Variants in TM4SF4 observed in about 807,000 individuals in gnomAD.
TM4SF4 encodes transmembrane 4 L6 family member 4.
A neutral mutation model predicts 24.1 loss-of-function variants in TM4SF4; 24 were observed. The observed-to-expected ratio is 1.00, with a 90% CI of 0.72 to 1.40. The LOEUF (loss-of-function observed/expected upper bound fraction) is 1.40, where lower values mean the gene tolerates loss of function less well. TM4SF4 is among the 40% of genes most tolerant of loss of function. The pLI is 0.00. For synonymous variants in TM4SF4, 113 were observed against 97.0 expected, an observed-to-expected ratio of 1.17 and a Z score of -0.97; for missense variants, 254 against 254.2, an observed-to-expected ratio of 1.00 and a Z score of 0.01.
intron 2 of TM4SF4, among the ~76,000 whole-genome samples, chr3:149,486,981 C>T (rs1003370853): frequency 3.3e-5 from 5 of 152,160 alleles, no homozygotes; most frequent in African/African-American, 9.7e-5. Context: ...AGGCCAGGTG[C>T]GGTGACTCAC....
intron 4 of TM4SF4, among the ~76,000 whole-genome samples, chr3:149,501,742 T>C (rs1734430748): frequency 1.3e-5 from 2 of 152,202 alleles, no homozygotes; most frequent in South Asian, 2.1e-4. Flanking sequence ...CTTCTCATAG[T>C]CTCAGTTATT....
chr3:149,487,584 T>C, intron 2 of TM4SF4, 35 bp from the exon 3 acceptor site: 1 of 1,613,232 alleles, frequency 6.2e-7, no homozygotes, highest in South Asian at 1.1e-5. Flanking sequence ...CTGGACCACC[T>C]GGAGAATGTG....
intron 2 of TM4SF4, among the ~76,000 whole-genome samples, chr3:149,480,527 G>A (rs1203636095): frequency 6.6e-6 from 1 of 152,076 alleles, no homozygotes; most frequent in African/African-American, 2.4e-5. Flanking sequence ...GAAAGGTCTT[G>A]GTCAGGTCCT....
intron 3 of TM4SF4, 26 bp downstream of exon 3, chr3:149,487,781 C>A: frequency 6.2e-7 from 1 of 1,611,868 alleles, no homozygotes; most frequent in Non-Finnish European, 8.5e-7. Context: ...GCAATGCCCA[C>A]CTGTCACCAC....
chr3:149,491,000 CAGTG>C (rs767287666), intron 3 of TM4SF4, among the ~76,000 whole-genome samples: 2 of 151,688 alleles, frequency 1.3e-5, no homozygotes, highest in South Asian at 4.2e-4. Context: ...TTTTTCTTCC[CAGTG>C]AGTAAGTGCT....
At chr3:149,488,236 T>C (rs1025968643) in intron 3 of TM4SF4, among the ~76,000 whole-genome samples, 2 of 152,232 alleles carry the variant, frequency 1.3e-5, no homozygotes, top group Non-Finnish European at 2.9e-5. Flanking sequence ...GAAATCATTG[T>C]AGGTTTCTCA....
intron 3 of TM4SF4, among the ~76,000 whole-genome samples, chr3:149,491,363 GC>G (rs1734207096): frequency 6.6e-6 from 1 of 151,628 alleles, no homozygotes; most frequent in Non-Finnish European, 1.5e-5. Flanking sequence ...TACTCCAGGT[GC>G]CTGATGTGGG....
intron 2 of TM4SF4, among the ~76,000 whole-genome samples, chr3:149,479,068 A>T (rs980946879): frequency 1.3e-5 from 2 of 152,026 alleles, no homozygotes; most frequent in Admixed American, 1.3e-4. Flanking sequence ...CGCCTGGCCG[A>T]TTGTTCTGTT....
intron 4 of TM4SF4, 129 bp from the exon 5 acceptor site, chr3:149,502,547 T>C: frequency 1.4e-6 from 1 of 736,784 alleles, no homozygotes; most frequent in Non-Finnish European, 2.5e-6. Flanking sequence ...CAGAAAAGTA[T>C]AGGAAACATT....
rs748938376 is a variant in TM4SF4 at position 149,475,837 on chromosome 3, G to A, written c.189G>A (p.Ala63=). ...TCTCCTGGTAGATGATCTTCCCTGC[G>A]CTGGTGTTCTTGGGCCTGAAGAACA... ...LGSGVLMIFP[A]LVFLGLKNND... is the part of the protein sequence containing the mutation. Residue 63 remains alanine (A), a synonymous_variant, in exon 2 of 5, where the codon GCG becomes GCA. Coordinates refer to ENST00000305354, the MANE Select transcript of TM4SF4 (RefSeq NM_004617.4). 3.5e-5 allele frequency: 57 copies of A among 1,611,870 alleles called. No homozygotes were observed. The South Asian group carries it at 4.6e-4, about 13-fold the overall frequency.
intron 2 of TM4SF4, among the ~76,000 whole-genome samples, chr3:149,486,404 G>A (rs554938561): frequency 2.0e-5 from 3 of 152,304 alleles, no homozygotes; most frequent in Middle Eastern, 3.4e-3. Context: ...TTTAAACCCT[G>A]TGCTTCGTCA....
At chr3:149,488,709 T>G (rs1333508653) in intron 3 of TM4SF4, among the ~76,000 whole-genome samples, 1 of 152,242 alleles carries the variant, frequency 6.6e-6, no homozygotes, top group Non-Finnish European at 1.5e-5. Flanking sequence ...TAAATGGATC[T>G]GTTAGGCAAA....
At chr3:149,477,603 T>C (rs1348709739) in intron 2 of TM4SF4, among the ~76,000 whole-genome samples, 2 of 152,264 alleles carry the variant, frequency 1.3e-5, no homozygotes, top group African/African-American at 2.4e-5. Context: ...ACAGTTTCCA[T>C]GTGAGTTCAA....
chr3:149,495,198 C>G lies in TM4SF4; in HGVS notation c.402-3524C>G, dbSNP rs149917304. Reference sequence around the variant, plus strand: ...TTAAGAAAATTGGCTACAACCCCAGCACAGCAGCAGCTGTACCAATTTCCA... The same window carrying G: ...TTAAGAAAATTGGCTACAACCCCAGGACAGCAGCAGCTGTACCAATTTCCA... On this transcript the variant is annotated intron_variant, in intron 3 of 4. Transcript: ENST00000305354. 1.1e-3 allele frequency: 209 copies of G among 198,578 alleles called. 1 individual carries two copies. Among genetic ancestry groups the G allele is most frequent in the Non-Finnish European group, 1.8e-3 (168 of 93,222 alleles). 12.3% of individuals were successfully genotyped at this position (198,578 alleles called of 1,614,324 possible).
intron 2 of TM4SF4, among the ~76,000 whole-genome samples, chr3:149,484,550 ATTTT>A (rs890892392): frequency 3.3e-5 from 4 of 122,236 alleles, no homozygotes; most frequent in Admixed American, 1.7e-4. Context: ...CACCCCGCTA[ATTTT>A]TTTTTTTTTT....
chr3:149,487,016 G>A (rs1734128012), intron 2 of TM4SF4, among the ~76,000 whole-genome samples: 1 of 152,166 alleles, frequency 6.6e-6, no homozygotes, highest in African/African-American at 2.4e-5. Flanking sequence ...CACTTTGGGA[G>A]GCCAAGGCAG....
At chr3:149,488,074 T>C (rs920677856) in intron 3 of TM4SF4, among the ~76,000 whole-genome samples, 2 of 152,224 alleles carry the variant, frequency 1.3e-5, no homozygotes, top group Non-Finnish European at 2.9e-5. Context: ...CAACTAATAA[T>C]ATTAATAAAC....
chr3:149,502,129 C>T (rs1462143081), intron 4 of TM4SF4, among the ~76,000 whole-genome samples: 2 of 152,206 alleles, frequency 1.3e-5, no homozygotes, highest in African/African-American at 4.8e-5. Context: ...CTTCAAGTTT[C>T]CTTTAACACA....
At chr3:149,486,072 T>A (rs74693836) in intron 2 of TM4SF4, among the ~76,000 whole-genome samples, 1,827 of 152,234 alleles carry the variant, frequency 0.012, 38 homozygotes, top group African/African-American at 0.042. Flanking sequence ...TGAAAATGAA[T>A]CCCAGCTAAA....
Sources: allele counts gnomAD v4.1 joint callset (sites outside exome capture counted in the v4.1 genomes callset), GRCh38; gene constraint gnomAD v4.1.1; transcripts MANE v1.5; gene names NCBI Gene and HGNC (gene_info 2026-07-23, HGNC 2026-07-21).